KHDRBS2: variants seen among roughly 807,000 people sequenced by gnomAD.
KHDRBS2 encodes KH domain-containing, RNA-binding, signal transduction-associated protein 2.
KHDRBS2 carries 26 observed loss-of-function variants against 44.3 expected under a neutral mutation model. The ratio of observed to expected loss-of-function variants is 0.59; its 90% CI spans 0.43 to 0.81. The LOEUF is 0.81. Ranked by LOEUF, KHDRBS2 falls within the 40% of genes least tolerant of loss-of-function variation. The probability of loss-of-function intolerance (pLI) is 0.00; values close to 1 mark genes in which losing one functional copy is unlikely to be tolerated. For missense variants in KHDRBS2, 476 were observed against 433.1 expected, an observed-to-expected ratio of 1.10 and a Z score of -0.88; for synonymous variants, 194 against 151.1, an observed-to-expected ratio of 1.28 and a Z score of -2.08.
chr6:61,679,662 A>G (rs1482594124), downstream of KHDRBS2, among the ~76,000 whole-genome samples: 1 of 151,990 alleles, frequency 6.6e-6, no homozygotes, highest in Non-Finnish European at 1.5e-5. Flanking sequence ...TTGAGGTTGA[A>G]TAGCAACAAC....
At position 62,284,173 on chromosome 6, in the gene KHDRBS2, G is replaced by A. The variant is rs530992254; in HGVS notation, c.91+1685C>T. 2.6e-5 allele frequency among the ~76,000 whole-genome samples: 4 copies of A among 152,220 alleles called. No individual in the cohort carries two copies. In the South Asian group the frequency reaches 8.3e-4, roughly 32 times the overall value. ...GAAATACTTATGCACTCTGTTAAGA[G>A]TTTCTTGTATGCATTTATTTAGCTT... On this transcript the variant is annotated intron_variant, in intron 1 of 8. Coordinates refer to ENST00000281156, the MANE Select transcript of KHDRBS2 (RefSeq NM_152688.4).
At chr6:61,744,855 C>T (rs1776644505) in intron 6 of KHDRBS2, among the ~76,000 whole-genome samples, 1 of 152,162 alleles carries the variant, frequency 6.6e-6, no homozygotes, top group Non-Finnish European at 1.5e-5. Flanking sequence ...ATACTATCTC[C>T]TAACAAACAT....
At chr6:62,053,277 GA>G (rs1345543593) in intron 2 of KHDRBS2, among the ~76,000 whole-genome samples, 1 of 151,302 alleles carries the variant, frequency 6.6e-6, no homozygotes, top group Non-Finnish European at 1.5e-5. Flanking sequence ...AAATATCCAA[GA>G]ACTCAGCAGG....
chr6:61,765,703 C>T (rs1208688122), intron 6 of KHDRBS2, among the ~76,000 whole-genome samples: 1 of 151,804 alleles, frequency 6.6e-6, no homozygotes, highest in Non-Finnish European at 1.5e-5. Context: ...AATCATAAAG[C>T]ATTGTTGAAT....
At chr6:62,183,673 T>C (rs1822826717) in intron 1 of KHDRBS2, among the ~76,000 whole-genome samples, 1 of 151,618 alleles carries the variant, frequency 6.6e-6, no homozygotes, top group Non-Finnish European at 1.5e-5. Context: ...ACATGCAAGA[T>C]ATAATTTTAG....
chr6:62,002,978 T>G (rs1247376540), intron 3 of KHDRBS2, among the ~76,000 whole-genome samples: 2 of 152,136 alleles, frequency 1.3e-5, no homozygotes, highest in Non-Finnish European at 2.9e-5. Context: ...GGTAATACTA[T>G]TAATTCATAT....
chr6:61,746,229 G>T (rs192940727), intron 6 of KHDRBS2, among the ~76,000 whole-genome samples: 1 of 152,074 alleles, frequency 6.6e-6, no homozygotes, highest in Non-Finnish European at 1.5e-5. Context: ...TCAAGTTTCA[G>T]AAGAGAAGTT....
At chr6:61,661,571 CTT>C in the KHDRBS2 span, among the ~76,000 whole-genome samples, 1 of 151,864 alleles carries the variant, frequency 6.6e-6, no homozygotes, top group South Asian at 2.1e-4. Context: ...TAGAAAAACA[CTT>C]TCACTTTCAG....
chr6:62,074,825 T>G (rs541531739), intron 2 of KHDRBS2, among the ~76,000 whole-genome samples: 1 of 151,862 alleles, frequency 6.6e-6, no homozygotes, highest in Non-Finnish European at 1.5e-5. Context: ...GTTTCAACAT[T>G]TTTACTTCTC....
chr6:62,118,464 A>G (rs1411642342), intron 2 of KHDRBS2, among the ~76,000 whole-genome samples: 2 of 152,034 alleles, frequency 1.3e-5, no homozygotes, highest in African/African-American at 4.8e-5. Flanking sequence ...TAGGAATTTC[A>G]CCGAATCTGT....
At chr6:61,766,718 C>T (rs186521766) in intron 6 of KHDRBS2, among the ~76,000 whole-genome samples, 1 of 152,016 alleles carries the variant, frequency 6.6e-6, no homozygotes, top group Non-Finnish European at 1.5e-5. Context: ...CTTCATTGAA[C>T]CACCGGTCAT....
intron 6 of KHDRBS2, among the ~76,000 whole-genome samples, chr6:61,802,197 C>A (rs1786392532): frequency 6.6e-6 from 1 of 152,088 alleles, no homozygotes; most frequent in Non-Finnish European, 1.5e-5. Context: ...AGCTCCTGCC[C>A]ACAGCCTGAC....
chr6:61,587,800 A>G, the KHDRBS2 span, among the ~76,000 whole-genome samples: 2 of 152,108 alleles, frequency 1.3e-5, no homozygotes, highest in Non-Finnish European at 2.9e-5. Flanking sequence ...CTTTCTCTCA[A>G]TGCCCTTACA....
chr6:61,690,494 A>G (rs572909796), intron 8 of KHDRBS2, among the ~76,000 whole-genome samples: 2 of 152,182 alleles, frequency 1.3e-5, no homozygotes, highest in African/African-American at 4.8e-5. Flanking sequence ...TGTTTCAACA[A>G]GAGAGTTGTT....
chr6:61,637,028 C>A, the KHDRBS2 span, among the ~76,000 whole-genome samples: 1 of 151,756 alleles, frequency 6.6e-6, no homozygotes, highest in Non-Finnish European at 1.5e-5. Flanking sequence ...ATACTTTTTT[C>A]TTTTTTTATT....
intron 2 of KHDRBS2, among the ~76,000 whole-genome samples, chr6:62,049,670 A>T (rs992799137): frequency 1.2e-4 from 19 of 152,010 alleles, no homozygotes; most frequent in African/African-American, 4.6e-4. Context: ...TAGATATCAG[A>T]CCTTTGTCAG....
At chr6:61,776,049 C>T (rs575245503) in intron 6 of KHDRBS2, among the ~76,000 whole-genome samples, 2 of 152,238 alleles carry the variant, frequency 1.3e-5, no homozygotes, top group Admixed American at 1.3e-4. Context: ...GAAAGGATTC[C>T]CTATTTAATA....
intron 2 of KHDRBS2, among the ~76,000 whole-genome samples, chr6:62,050,010 A>G (rs932281616): frequency 1.3e-5 from 2 of 152,078 alleles, no homozygotes; most frequent in African/African-American, 2.4e-5. Context: ...TTGCAGCACT[A>G]TTTACGATAG....
chr6:61,673,530 G>A, the KHDRBS2 span, among the ~76,000 whole-genome samples: 1,832 of 143,198 alleles, frequency 0.013, 13 homozygotes, highest in Middle Eastern at 0.044. Flanking sequence ...AAACCCCATC[G>A]TCTCAGCCCA....
Sources: gnomAD v4.1 joint callset for allele counts (sites outside exome capture counted in the v4.1 genomes callset) on GRCh38, gnomAD v4.1.1 for gene constraint, MANE v1.5 for transcripts, NCBI Gene and HGNC (gene_info 2026-07-23, HGNC 2026-07-21) for gene names.